NTM: variants seen among roughly 807,000 people sequenced by gnomAD.
NTM encodes the protein IgLON family member 2.
Under a neutral mutation model 42.1 loss-of-function variants are expected in NTM, and 13 were observed. The observed-to-expected ratio is 0.31, with a 90% CI of 0.20 to 0.49. The LOEUF (loss-of-function observed/expected upper bound fraction) is 0.49, where lower values mean the gene tolerates loss of function less well. Ranked by LOEUF, NTM falls within the 20% of genes least tolerant of loss-of-function variation. NTM has a pLI of 0.99. For missense variants in NTM, 373 were observed against 452.8 expected (o/e 0.82, Z 1.60); for synonymous variants, 187 against 179.2 (o/e 1.04, Z -0.35).
At chr11:132,212,251 G>A (rs1023169891) in intron 4 of NTM, 104 bp downstream of exon 4, 24 of 872,638 alleles carry the variant, frequency 2.8e-5, no homozygotes, top group African/African-American at 1.2e-4. Context: ...AGGAGTCTAC[G>A]TTTTTGGTGG....
At chr11:131,523,306 C>T (rs147496493) in intron 1 of NTM, among the ~76,000 whole-genome samples, 166 of 152,248 alleles carry the variant, frequency 1.1e-3, no homozygotes, top group African/African-American at 3.9e-3. Flanking sequence ...AGAATGGCTT[C>T]CCAAAAGCAA....
At chr11:132,294,662 C>T (rs1167109879) in intron 4 of NTM, among the ~76,000 whole-genome samples, 5 of 152,084 alleles carry the variant, frequency 3.3e-5, no homozygotes, top group Non-Finnish European at 5.9e-5. Flanking sequence ...AGGCAAAGCC[C>T]TTAGTCCTGA....
At chr11:131,868,149 A>C (rs1053421805) in intron 1 of NTM, among the ~76,000 whole-genome samples, 2 of 152,204 alleles carry the variant, frequency 1.3e-5, no homozygotes, top group Admixed American at 6.5e-5. Context: ...TTAGAATTTT[A>C]AAGTCTGGAT....
At chr11:131,425,736 A>G (rs1948069297) in intron 1 of NTM, among the ~76,000 whole-genome samples, 1 of 152,192 alleles carries the variant, frequency 6.6e-6, no homozygotes, top group Non-Finnish European at 1.5e-5. Context: ...ATCAGTATCT[A>G]TAGGAATCAT....
At chr11:131,435,532 A>G (rs1398369026) in intron 1 of NTM, among the ~76,000 whole-genome samples, 1 of 152,100 alleles carries the variant, frequency 6.6e-6, no homozygotes, top group Non-Finnish European at 1.5e-5. Flanking sequence ...ATTCCTAGTT[A>G]TTTGATTCTC....
chr11:131,854,373 G>A (rs1035628303), intron 1 of NTM, among the ~76,000 whole-genome samples: 1 of 152,210 alleles, frequency 6.6e-6, no homozygotes, highest in African/African-American at 2.4e-5. Context: ...TTGCTCACAA[G>A]CACTGTATAG....
intron 7 of NTM, among the ~76,000 whole-genome samples, chr11:132,328,072 G>C (rs973465408): frequency 6.6e-6 from 1 of 151,874 alleles, no homozygotes; most frequent in African/African-American, 2.4e-5. Flanking sequence ...CTCAAGCAAG[G>C]CTCCTGCTTC....
chr11:131,684,281 C>T (rs535246871), intron 1 of NTM, among the ~76,000 whole-genome samples: 9 of 152,270 alleles, frequency 5.9e-5, no homozygotes, highest in East Asian at 3.9e-4. Flanking sequence ...CTGACCACAG[C>T]GATCCAGGGA....
At chr11:131,605,098 A>T (rs1156410217) in intron 1 of NTM, among the ~76,000 whole-genome samples, 2 of 152,000 alleles carry the variant, frequency 1.3e-5, no homozygotes, top group Non-Finnish European at 2.9e-5. Flanking sequence ...TTCTGCAAAA[A>T]AAAAAGCCAC....
rs60850004 is a variant in NTM, at chr11:131,911,694, C to G, written c.167+46C>G. 11,196 of 1,606,250 alleles carry G rather than the reference C, an allele frequency of 7.0e-3. 701 individuals are homozygous for G. The African/African-American group carries it at 0.13, about 19-fold the overall frequency. The stretch of plus-strand genomic sequence containing the variant: ...TGCGAACTGATGGTTTGTATGGGGT[C>G]GGGGTAAGGGGCAGGGGTGCAGGTG... On this transcript the variant is annotated intron_variant, in intron 2 of 8. Transcript: ENST00000683400.
intron 7 of NTM, among the ~76,000 whole-genome samples, chr11:132,327,834 C>T (rs1340394307): frequency 7.4e-6 from 1 of 135,072 alleles, no homozygotes; most frequent in Non-Finnish European, 1.5e-5. Flanking sequence ...TCCCTCCCTT[C>T]CTTCCTTCCT....
At chr11:132,121,811 CATGTT>C (rs1385864430) in intron 2 of NTM, among the ~76,000 whole-genome samples, 1 of 152,180 alleles carries the variant, frequency 6.6e-6, no homozygotes, top group African/African-American at 2.4e-5. Flanking sequence ...TTTCTACAAA[CATGTT>C]ATCATTAGAG....
At chr11:131,662,079 A>C (rs918084981) in intron 1 of NTM, 7 of 152,358 alleles carry the variant, frequency 4.6e-5, no homozygotes, top group Admixed American at 1.3e-4. Context: ...CAAACACGAG[A>C]GAAATCTATA....
At position 132,042,566 on chromosome 11, in the gene NTM, C is replaced by T. The variant is rs140321458; in HGVS notation, c.168-103716C>T. Among the ~76,000 whole-genome samples, 469 of 152,314 alleles carry T rather than the reference C, an allele frequency of 3.1e-3. 2 individuals are homozygous for T. The highest frequency in any genetic ancestry group is 0.011 in the African/African-American group (447 of 41,574). On this transcript the variant is annotated intron_variant, in intron 2 of 8. Coordinates refer to ENST00000683400, the MANE Select transcript of NTM (RefSeq NM_001352005.2). Reference sequence around the variant, plus strand: ...TGGACACCTCCAGTGAAAAGGCTCTCGCTGTTGGGCACTGCCATTGTCTGC... The same window carrying T: ...TGGACACCTCCAGTGAAAAGGCTCTTGCTGTTGGGCACTGCCATTGTCTGC...
chr11:131,725,492 C>T (rs535746226), intron 1 of NTM, among the ~76,000 whole-genome samples: 38 of 151,926 alleles, frequency 2.5e-4, no homozygotes, highest in African/African-American at 5.6e-4. Context: ...TTGAAGGAGG[C>T]GAGGGAATGA....
At chr11:132,327,961 C>T (rs1310072702) in intron 7 of NTM, among the ~76,000 whole-genome samples, 1 of 151,982 alleles carries the variant, frequency 6.6e-6, no homozygotes, top group East Asian at 1.9e-4. Flanking sequence ...GTGTGGAAAA[C>T]GCATGCTTGA....
intron 1 of NTM, among the ~76,000 whole-genome samples, chr11:131,880,400 T>A (rs1208039610): frequency 6.6e-6 from 1 of 152,146 alleles, no homozygotes; most frequent in Non-Finnish European, 1.5e-5. Flanking sequence ...TATAAATACC[T>A]TCAAGGTAAC....
chr11:131,903,288 G>A (rs776958445), intron 1 of NTM, among the ~76,000 whole-genome samples: 2 of 152,342 alleles, frequency 1.3e-5, no homozygotes, highest in South Asian at 2.1e-4. Context: ...AGCATAGACT[G>A]TATCTAGATA....
chr11:132,232,206 C>T (rs772908354), intron 4 of NTM, among the ~76,000 whole-genome samples: 5 of 152,082 alleles, frequency 3.3e-5, no homozygotes, highest in Non-Finnish European at 7.3e-5. Flanking sequence ...TCCCACTGTG[C>T]GAGGAAAGGA....
Sources: allele counts gnomAD v4.1 joint callset (sites outside exome capture counted in the v4.1 genomes callset), GRCh38; gene constraint gnomAD v4.1.1; transcripts MANE v1.5; gene names NCBI Gene and HGNC (gene_info 2026-07-23, HGNC 2026-07-21).